PER2: variants seen among roughly 807,000 people sequenced by gnomAD.
PER2 encodes the protein period circadian protein homolog 2.
PER2 carries 66 observed loss-of-function variants against 121.0 expected under a neutral mutation model. The observed-to-expected ratio is 0.55, with a 90% confidence interval of 0.45 to 0.67. PER2 has a LOEUF of 0.67. PER2 is among the 30% of genes least tolerant of loss of function. The pLI, the probability that PER2 is intolerant of heterozygous loss-of-function variation, is 0.00. For synonymous variants in PER2, 684 were observed against 659.9 expected, an observed-to-expected ratio of 1.04 and a Z score of -0.56; for missense variants, 1,521 against 1,635.0, an observed-to-expected ratio of 0.93 and a Z score of 1.20.
chr2:238,278,900 GC>G (rs1696543651), intron 1 of PER2, among the ~76,000 whole-genome samples: 1 of 152,128 alleles, frequency 6.6e-6, no homozygotes, highest in Non-Finnish European at 1.5e-5. Flanking sequence ...TGAGTGCCAG[GC>G]CCACGGAACT....
chr2:238,257,221 G>T, intron 16 of PER2, 135 bp from the exon 17 acceptor site: 1 of 700,456 alleles, frequency 1.4e-6, no homozygotes, highest in Non-Finnish European at 2.4e-6. Context: ...TCCCACAGAT[G>T]CTCTGGCCCA....
chr2:238,271,845 A>G (rs543489971), intron 5 of PER2, among the ~76,000 whole-genome samples: 1 of 152,276 alleles, frequency 6.6e-6, no homozygotes, highest in South Asian at 2.1e-4. Flanking sequence ...CTCCCGGACC[A>G]GAGACATACT....
In PER2 at chr2:238,253,155, G is replaced by A; in HGVS notation, c.2868C>T (p.Pro956=). 2 of 1,597,796 alleles carry A rather than the reference G, an allele frequency of 1.3e-6. No individual in the cohort carries two copies. The highest frequency in any genetic ancestry group is 1.3e-5 in the African/African-American group (1 of 74,718). The part of the protein sequence containing the change: ...QPEFPSRTSI[P]RQPCACPATR... ...TGGCTGGACAAGCACATGGCTGTCT[G>A]GGGATCGAGGTCCGGCTGGGGAACT... The change falls in exon 19 of 23, where the codon CCC becomes CCT. Residue 956 remains proline (P), a synonymous_variant. Coordinates refer to ENST00000254657, the MANE Select transcript of PER2 (RefSeq NM_022817.3). This position sits in a 1 kb window ranked among gnomAD's most constrained non-coding sequence, Gnocchi z 5.6.
chr2:238,266,112 C>T (rs1306250161), intron 8 of PER2, among the ~76,000 whole-genome samples: 1 of 151,846 alleles, frequency 6.6e-6, no homozygotes, highest in Non-Finnish European at 1.5e-5. Flanking sequence ...ACCGTGTTGG[C>T]CAGGATGGTC....
At chr2:238,272,369 G>A (rs1395160844) in intron 5 of PER2, among the ~76,000 whole-genome samples, 6 of 152,338 alleles carry the variant, frequency 3.9e-5, no homozygotes, top group South Asian at 2.1e-4. Context: ...CAGGGTTCTA[G>A]GGGCTTCCTG....
chr2:238,284,170 G>A (rs1258642687), intron 1 of PER2, among the ~76,000 whole-genome samples: 2 of 152,138 alleles, frequency 1.3e-5, no homozygotes, highest in East Asian at 1.9e-4. Context: ...GCGGCTGGGC[G>A]CGGTGGCTCA....
intron 1 of PER2, among the ~76,000 whole-genome samples, chr2:238,286,334 GTC>G (rs1384133555): frequency 6.6e-6 from 1 of 152,190 alleles, no homozygotes; most frequent in African/African-American, 2.4e-5. Context: ...AGCTCACTCT[GTC>G]TTGGGAACTA....
At position 238,257,103 on chromosome 2, in the gene PER2, G is replaced by C; in HGVS notation, c.1901-17C>G. 1.9e-6 allele frequency: 3 copies of C among 1,608,360 alleles called. No individual in the cohort carries two copies. Among genetic ancestry groups the C allele is most frequent in the Non-Finnish European group, 2.5e-6 (3 of 1,179,428 alleles). On this transcript the variant is annotated splice_polypyrimidine_tract_variant and intron_variant, in intron 16 of 22. Transcript: ENST00000254657. The stretch of plus-strand genomic sequence containing the variant: ...GCTCTGCCTCTTCATGAGAGGAAGG[G>C]GGAACAAACATTAGTGTGTCATTAC...
chr2:238,265,593 G>GA lies in PER2; in HGVS notation c.968-4dup. On this transcript the variant is annotated splice_polypyrimidine_tract_variant and splice_region_variant and intron_variant, in intron 8 of 22. Coordinates refer to ENST00000254657, the MANE Select transcript of PER2 (RefSeq NM_022817.3). ...CTTTTCAGGAGGAATTCTAGGGGCT[G>GA]AAAGAACAGAATATTGCACACATTT... 6.5e-7 allele frequency: 1 copy of GA among 1,547,748 alleles called. No homozygotes were observed.
chr2:238,267,716 G>A (rs899074969), intron 8 of PER2, among the ~76,000 whole-genome samples: 3 of 152,302 alleles, frequency 2.0e-5, no homozygotes, highest in Admixed American at 1.3e-4. Flanking sequence ...GATGAGGATG[G>A]GAAGGATGTA....
chr2:238,263,804 G>T (rs1056110243), intron 9 of PER2, among the ~76,000 whole-genome samples: 3 of 152,050 alleles, frequency 2.0e-5, no homozygotes, highest in Non-Finnish European at 4.4e-5. Flanking sequence ...CTTTCTCAAG[G>T]GCCTGGCGTT....
rs1426018015 is a variant in PER2 at position 238,249,114 on chromosome 2, T to G, written c.3566A>C (p.Glu1189Ala). The change falls in exon 22 of 23, where the codon GAG becomes GCG. Residue 1189 changes from glutamate to alanine, a missense_variant. By Grantham distance (107) the Glu-to-Ala change is moderately radical. Coordinates refer to ENST00000254657, the MANE Select transcript of PER2 (RefSeq NM_022817.3). ...FTESQKQELR[E>A]VHQWMQTGGL... is the part of the protein sequence containing the mutation. The stretch of plus-strand genomic sequence containing the variant: ...GCCCGTCTGCATCCACTGGTGGACC[T>G]CGCGCAGCTCCTGCTTCTGACTCTC... 3 of 1,614,186 alleles carry G rather than the reference T, an allele frequency of 1.9e-6. No homozygotes were observed. Among genetic ancestry groups the G allele is most frequent in the Non-Finnish European group, 1.7e-6 (2 of 1,180,002 alleles).
chr2:238,268,952 C>T lies in PER2; in HGVS notation c.795G>A (p.Met265Ile). The part of the protein sequence containing the change: ...SGADSFTQEC[M>I]EEKSFFCRVS... ...CACGGCAAAAGAAAGATTTCTCCTCCATGCATTCTTGAGTAAAAGAATCTA... is the reference window on the plus strand; with the variant it reads ...CACGGCAAAAGAAAGATTTCTCCTCTATGCATTCTTGAGTAAAAGAATCTA... The change falls in exon 7 of 23, where the codon ATG becomes ATA. Residue 265 changes from methionine (M) to isoleucine (I), a missense_variant. Transcript: ENST00000254657. The surrounding 1 kb of genome is among the most constrained non-coding windows in gnomAD (Gnocchi z 4.0). 1 of 1,612,702 alleles carries T rather than the reference C, an allele frequency of 6.2e-7. No individual in the cohort carries two copies. The highest frequency in any genetic ancestry group is 8.5e-7 in the Non-Finnish European group (1 of 1,178,784).
chr2:238,258,236 C>T (rs944390417), intron 16 of PER2, 40 bp downstream of exon 16: 3 of 1,610,442 alleles, frequency 1.9e-6, no homozygotes, highest in Non-Finnish European at 2.5e-6. Context: ...AGAGGATTTA[C>T]ATTATTTCAC....
At position 238,253,458 on chromosome 2, in the gene PER2, T is replaced by C. The variant is rs1422206747; in HGVS notation, c.2565A>G (p.Ser855=). 2.5e-6 allele frequency: 4 copies of C among 1,612,686 alleles called. No homozygotes were observed. Among genetic ancestry groups the C allele is most frequent in the East Asian group, 2.2e-5 (1 of 44,846 alleles). The part of the protein sequence containing the change: ...PFPAPVPAAY[S]LPVFPAPGTV... Reference sequence around the variant, plus strand: ...TCCCTGGCGCTGGAAACACGGGCAGTGAATAAGCTGCTGGCACTGGGGCGG... The same window carrying C: ...TCCCTGGCGCTGGAAACACGGGCAGCGAATAAGCTGCTGGCACTGGGGCGG... Residue 855 remains serine (S), a synonymous_variant, in exon 19 of 23, where the codon TCA becomes TCG. Transcript: ENST00000254657. This position sits in a 1 kb window ranked among gnomAD's most constrained non-coding sequence, Gnocchi z 5.6.
chr2:238,262,605 T>C (rs531745592), intron 10 of PER2, among the ~76,000 whole-genome samples: 8 of 152,166 alleles, frequency 5.3e-5, no homozygotes, highest in Non-Finnish European at 1.0e-4. Flanking sequence ...GGTGAGGACA[T>C]GCACTGTGCA....
Position 238,253,554 on chromosome 2 carries a change from C to T in PER2, c.2469G>A (p.Leu823=), listed in dbSNP as rs1695674842. The T allele has an allele frequency of 3.7e-6, 6 of 1,610,840 alleles. No homozygotes were observed. The highest frequency in any genetic ancestry group is 4.2e-6 in the Non-Finnish European group (5 of 1,178,872). Residue 823 remains leucine (L), a synonymous_variant, in exon 19 of 23, where the codon CTG becomes CTA. Transcript: ENST00000254657. The surrounding 1 kb of genome is among the most constrained non-coding windows in gnomAD (Gnocchi z 5.6). ...SGGPVSARPP[L]VGLNATAWSP... The stretch of plus-strand genomic sequence containing the variant: ...ACCAGGCTGTGGCGTTCAAGCCCAC[C>T]AGCGGGGGCCGGGCGGACACGGGCC...
chr2:238,258,757 C>T, intron 14 of PER2, 113 bp from the exon 15 acceptor site: 1 of 1,080,890 alleles, frequency 9.3e-7, no homozygotes, highest in East Asian at 2.5e-5. Context: ...TCAGAATCTG[C>T]TTCATGAGTA....
chr2:238,279,157 C>T (rs535239048), intron 1 of PER2, among the ~76,000 whole-genome samples: 1 of 152,260 alleles, frequency 6.6e-6, no homozygotes, highest in East Asian at 1.9e-4. Context: ...CCCAGGACAG[C>T]GTTTTCAGCA....
Sources: allele counts gnomAD v4.1 joint callset (sites outside exome capture counted in the v4.1 genomes callset), GRCh38; gene constraint gnomAD v4.1.1; non-coding constraint Gnocchi (gnomAD v3.1); transcripts MANE v1.5; gene names NCBI Gene and HGNC (gene_info 2026-07-23, HGNC 2026-07-21).